Variants in GALNT17 observed in about 807,000 individuals in gnomAD.
GALNT17 encodes UDP-GalNAc:polypeptide N-acetylgalactosaminyltransferase-like 3.
Under a neutral mutation model 63.7 loss-of-function variants are expected in GALNT17, and 29 were observed. The observed-to-expected ratio is 0.46, with a 90% CI of 0.34 to 0.62. GALNT17 has a LOEUF of 0.62. GALNT17 is among the 20% of genes least tolerant of loss of function. GALNT17 has a pLI of 0.01. For synonymous variants in GALNT17, 305 were observed against 318.3 expected (o/e 0.96, Z 0.45); for missense variants, 603 against 799.6 (o/e 0.75, Z 2.97).
At chr7:71,330,997 C>T (rs1042464405) in intron 1 of GALNT17, among the ~76,000 whole-genome samples, 1 of 152,142 alleles carries the variant, frequency 6.6e-6, no homozygotes, top group African/African-American at 2.4e-5. Context: ...CTCAGGCCAC[C>T]TCTGCTGTCT....
At chr7:71,291,270 C>T (rs1282433396) in intron 1 of GALNT17, among the ~76,000 whole-genome samples, 1 of 152,056 alleles carries the variant, frequency 6.6e-6, no homozygotes, top group African/African-American at 2.4e-5. Flanking sequence ...GGCCGGTGGA[C>T]TCGGTTTTGT....
At chr7:71,581,612 G>T (rs992524199) in intron 6 of GALNT17, among the ~76,000 whole-genome samples, 3 of 152,138 alleles carry the variant, frequency 2.0e-5, no homozygotes, top group African/African-American at 7.2e-5. Context: ...TGGGATTTGG[G>T]TGGGGAGACA....
intron 5 of GALNT17, among the ~76,000 whole-genome samples, chr7:71,543,700 G>GTT (rs71089956): frequency 6.7e-6 from 1 of 149,096 alleles, no homozygotes; most frequent in Non-Finnish European, 1.5e-5. Flanking sequence ...GTTTCAGCAG[G>GTT]TTTTTTTTTT....
At chr7:71,216,948 A>T (rs899589873) in intron 1 of GALNT17, among the ~76,000 whole-genome samples, 4 of 152,042 alleles carry the variant, frequency 2.6e-5, no homozygotes, top group African/African-American at 9.7e-5. Context: ...CCACTTAAAA[A>T]TTTTTAAAAT....
At chr7:71,205,172 T>A (rs1485454331) in intron 1 of GALNT17, among the ~76,000 whole-genome samples, 1 of 114,582 alleles carries the variant, frequency 8.7e-6, no homozygotes, top group East Asian at 2.8e-4. Flanking sequence ...TTTTTTTTTT[T>A]GAGACAGAGT....
At chr7:71,616,788 T>C (rs915961964) in intron 6 of GALNT17, among the ~76,000 whole-genome samples, 1 of 116,992 alleles carries the variant, frequency 8.5e-6, no homozygotes, top group African/African-American at 3.2e-5. Context: ...AATATGTAAC[T>C]AATATATTAG....
intron 1 of GALNT17, among the ~76,000 whole-genome samples, chr7:71,181,462 A>C (rs1362887027): frequency 6.6e-6 from 1 of 152,132 alleles, no homozygotes; most frequent in Non-Finnish European, 1.5e-5. Flanking sequence ...ATCCTGATAC[A>C]TAGTAGTTTG....
At chr7:71,701,854 T>TAC (rs1225516283) in intron 9 of GALNT17, among the ~76,000 whole-genome samples, 7 of 25,592 alleles carry the variant, frequency 2.7e-4, no homozygotes, top group Non-Finnish European at 6.6e-4. Flanking sequence ...TATATATATA[T>TAC]ACACATATAT....
At chr7:71,602,941 A>G (rs1789986772) in intron 6 of GALNT17, among the ~76,000 whole-genome samples, 1 of 152,154 alleles carries the variant, frequency 6.6e-6, no homozygotes, top group African/African-American at 2.4e-5. Context: ...ACCAGGTACC[A>G]TGCTAAGTGC....
chr7:71,296,089 G>A (rs1329566847), intron 1 of GALNT17, among the ~76,000 whole-genome samples: 2 of 152,060 alleles, frequency 1.3e-5, no homozygotes, highest in Non-Finnish European at 1.5e-5. Flanking sequence ...TTTCCTCATA[G>A]TTGGGGCTAT....
At chr7:71,158,023 T>C (rs1161624071) in intron 1 of GALNT17, among the ~76,000 whole-genome samples, 3 of 151,952 alleles carry the variant, frequency 2.0e-5, no homozygotes, top group East Asian at 3.9e-4. Flanking sequence ...TATCCATTCA[T>C]CCATTAATGA....
chr7:71,340,241 C>G (rs1791984801), intron 2 of GALNT17, among the ~76,000 whole-genome samples: 1 of 152,170 alleles, frequency 6.6e-6, no homozygotes, highest in African/African-American at 2.4e-5. Context: ...AGAGACTGCC[C>G]TTTCTCATCT....
At chr7:71,373,305 A>G (rs1792660727) in intron 2 of GALNT17, among the ~76,000 whole-genome samples, 1 of 152,098 alleles carries the variant, frequency 6.6e-6, no homozygotes, top group Non-Finnish European at 1.5e-5. Flanking sequence ...TATGGTTGGG[A>G]ATTCTGCTTG....
At chr7:71,462,905 A>G (rs915659289) in intron 5 of GALNT17, among the ~76,000 whole-genome samples, 7 of 152,176 alleles carry the variant, frequency 4.6e-5, no homozygotes, top group Admixed American at 3.9e-4. Context: ...TTCCTTTCAC[A>G]TGGCTGTAAT....
intron 1 of GALNT17, among the ~76,000 whole-genome samples, chr7:71,228,879 A>G (rs1055934804): frequency 2.0e-5 from 3 of 152,184 alleles, no homozygotes; most frequent in East Asian, 1.9e-4. Flanking sequence ...AGGACTTGCT[A>G]TCTTTGGGTG....
chr7:71,415,786 T>G, intron 3 of GALNT17, 103 bp from the exon 4 acceptor site: 2 of 1,298,102 alleles, frequency 1.5e-6, no homozygotes, highest in Non-Finnish European at 2.1e-6. Flanking sequence ...CGATTTTTTT[T>G]GAGATCTTTG....
chr7:71,631,825 G>A (rs914012099), intron 6 of GALNT17, among the ~76,000 whole-genome samples: 10 of 152,262 alleles, frequency 6.6e-5, no homozygotes, highest in Admixed American at 2.0e-4. Flanking sequence ...CAGGGTGCCC[G>A]GATTAAATAT....
At chr7:71,192,508 G>A (rs1028346629) in intron 1 of GALNT17, among the ~76,000 whole-genome samples, 6 of 151,038 alleles carry the variant, frequency 4.0e-5, no homozygotes, top group African/African-American at 7.3e-5. Flanking sequence ...TGATCCTCCC[G>A]CCTCAGCCTC....
At chr7:71,420,093 A>G (rs1443819599) in intron 4 of GALNT17, among the ~76,000 whole-genome samples, 6 of 152,118 alleles carry the variant, frequency 3.9e-5, no homozygotes, top group African/African-American at 1.4e-4. Flanking sequence ...TAGGAGAGCC[A>G]TCTTCTCCTT....
Sources: allele counts gnomAD v4.1 joint callset (sites outside exome capture counted in the v4.1 genomes callset), GRCh38; gene constraint gnomAD v4.1.1; transcripts MANE v1.5; gene names NCBI Gene and HGNC (gene_info 2026-07-23, HGNC 2026-07-21).